NEBL: variants seen among roughly 807,000 people sequenced by gnomAD.
NEBL encodes LIM and SH3 protein 2.
In NEBL, 122 loss-of-function variants were observed where a neutral mutation model predicts 140.2. The observed-to-expected ratio is 0.87, with a 90% confidence interval of 0.75 to 1.01. The LOEUF is 1.01. Among genes scored for constraint, NEBL ranks in the 50% least tolerant of loss-of-function variants. NEBL has a pLI of 0.00. For missense variants in NEBL, 1,365 were observed against 1,231.3 expected (o/e 1.11, Z -1.62); for synonymous variants, 436 against 398.9 (o/e 1.09, Z -1.11).
At chr10:21,020,254 A>G in intron 2 of NEBL, 1 of 1,453,560 alleles carries the variant, frequency 6.9e-7, no homozygotes, top group Non-Finnish European at 9.7e-7. Flanking sequence ...CTACAAAACA[A>G]CACTTTCACA....
intron 1 of NEBL, among the ~76,000 whole-genome samples, chr10:21,254,638 C>T (rs973953926): frequency 1.3e-5 from 2 of 152,188 alleles, no homozygotes; most frequent in Non-Finnish European, 2.9e-5. Context: ...ATTCACAGAA[C>T]ATGCACGTGT....
chr10:21,107,654 CT>C (rs1837784591), intron 2 of NEBL, among the ~76,000 whole-genome samples: 1 of 152,102 alleles, frequency 6.6e-6, no homozygotes, highest in African/African-American at 2.4e-5. Context: ...CTCTTCCAGG[CT>C]TTGGTATCAG....
chr10:20,988,031 T>C (rs1404244484), intron 3 of NEBL, among the ~76,000 whole-genome samples: 1 of 152,228 alleles, frequency 6.6e-6, no homozygotes, highest in Non-Finnish European at 1.5e-5. Context: ...CTCAAATTGA[T>C]ATATGGTTCA....
chr10:20,862,691 G>A (rs893228189), intron 7 of NEBL, among the ~76,000 whole-genome samples: 1 of 152,160 alleles, frequency 6.6e-6, no homozygotes, highest in Non-Finnish European at 1.5e-5. Flanking sequence ...TCAGTTTTAA[G>A]ATCATTTGAG....
At chr10:20,877,120 C>G (rs1845572770) in intron 5 of NEBL, among the ~76,000 whole-genome samples, 1 of 152,148 alleles carries the variant, frequency 6.6e-6, no homozygotes, top group African/African-American at 2.4e-5. Flanking sequence ...CCAAATCACC[C>G]TTTAAAAGTA....
intron 3 of NEBL, among the ~76,000 whole-genome samples, chr10:21,207,066 C>T (rs1200360018): frequency 6.7e-6 from 1 of 150,360 alleles, no homozygotes; most frequent in African/African-American, 2.5e-5. Flanking sequence ...CTCTGCCTCC[C>T]AGGTTCAACT....
intron 2 of NEBL, among the ~76,000 whole-genome samples, chr10:21,021,149 C>A (rs141877394): frequency 3.2e-4 from 49 of 152,260 alleles, no homozygotes; most frequent in African/African-American, 1.2e-3. Flanking sequence ...CACTCGTTCA[C>A]CAAATCTATT....
chr10:20,975,936 G>C (rs749102931), intron 3 of NEBL, among the ~76,000 whole-genome samples: 241 of 152,212 alleles, frequency 1.6e-3, no homozygotes, highest in Non-Finnish European at 3.0e-3. Flanking sequence ...TTAATCAGAG[G>C]CCCTACTGAC....
chr10:20,886,799 T>C (rs1846561538), intron 4 of NEBL, among the ~76,000 whole-genome samples: 1 of 152,120 alleles, frequency 6.6e-6, no homozygotes, highest in South Asian at 2.1e-4. Flanking sequence ...ACACGTGAAA[T>C]GCATAGAACA....
At chr10:21,149,048 G>T (rs1840031102) in intron 2 of NEBL, among the ~76,000 whole-genome samples, 2 of 152,190 alleles carry the variant, frequency 1.3e-5, no homozygotes, top group Admixed American at 1.3e-4. Flanking sequence ...GGGACTGGCT[G>T]GGTTTCCCCA....
intron 2 of NEBL, among the ~76,000 whole-genome samples, chr10:21,082,885 C>A (rs919458028): frequency 2.0e-5 from 3 of 151,322 alleles, no homozygotes; most frequent in African/African-American, 7.3e-5. Context: ...GCCTCAGCCT[C>A]CCAAATAGCT....
At position 21,125,671 on chromosome 10, in the gene NEBL, T is replaced by C. The variant is rs796275356; in HGVS notation, c.164+46712A>G. On this transcript the variant is annotated intron_variant, in intron 2 of 6. Transcript: ENST00000417816. ...ATAGTTTGATGGATTTGTGCCAAAA[T>C]GAGAAATAAAAGCACACTCCTTCCT... The C allele has an allele frequency of 2.2e-5, 12 of 547,816 alleles. No individual in the cohort carries two copies. In the South Asian group the frequency reaches 3.8e-4, roughly 17 times the overall value. 33.9% of individuals were successfully genotyped at this position (547,816 alleles called of 1,614,324 possible).
At chr10:21,048,311 C>T (rs1284886481) in intron 2 of NEBL, among the ~76,000 whole-genome samples, 1 of 152,134 alleles carries the variant, frequency 6.6e-6, no homozygotes, top group East Asian at 1.9e-4. Context: ...CACAGACCCA[C>T]AGCATGCTGG....
chr10:21,000,560 C>G (rs1837852943), intron 3 of NEBL, among the ~76,000 whole-genome samples: 1 of 151,974 alleles, frequency 6.6e-6, no homozygotes, highest in Non-Finnish European at 1.5e-5. Flanking sequence ...AGCAGGAGAC[C>G]AGCCTTTGCA....
upstream of NEBL, chr10:20,899,345 T>C (rs1847740373): frequency 1.6e-6 from 2 of 1,223,874 alleles, no homozygotes; most frequent in South Asian, 2.5e-5. Context: ...CTGGTGTTAC[T>C]CAGGGTGACA....
At chr10:21,153,195 TCA>T (rs1304660468) in intron 2 of NEBL, among the ~76,000 whole-genome samples, 1 of 152,226 alleles carries the variant, frequency 6.6e-6, no homozygotes, top group Non-Finnish European at 1.5e-5. Flanking sequence ...ATCTCCCATT[TCA>T]CAGATAATGA....
At chr10:21,185,466 C>T (rs868570991) in intron 3 of NEBL, among the ~76,000 whole-genome samples, 1 of 129,166 alleles carries the variant, frequency 7.7e-6, no homozygotes, top group African/African-American at 2.8e-5. Flanking sequence ...TTCGACTTCT[C>T]TTTCGGTTCC....
chr10:21,256,579 C>T (rs1045399894), intron 1 of NEBL, among the ~76,000 whole-genome samples: 1 of 151,964 alleles, frequency 6.6e-6, no homozygotes, highest in African/African-American at 2.4e-5. Context: ...GCCTGTAATC[C>T]CAGCCCTTTG....
chr10:20,866,805 A>G (rs1049492401), intron 7 of NEBL, among the ~76,000 whole-genome samples: 8 of 152,138 alleles, frequency 5.3e-5, no homozygotes, highest in African/African-American at 1.7e-4. Context: ...CCTTTCTACT[A>G]ATAAATTTGG....
Sources: gnomAD v4.1 joint callset for allele counts (sites outside exome capture counted in the v4.1 genomes callset) on GRCh38, gnomAD v4.1.1 for gene constraint, MANE v1.5 for transcripts, NCBI Gene and HGNC (gene_info 2026-07-23, HGNC 2026-07-21) for gene names.